The following ANKRD13A variants were observed in gnomAD, a reference collection of about 807,000 sequenced individuals.
ANKRD13A encodes ankyrin repeat domain-containing protein 13A.
A neutral mutation model predicts 81.3 loss-of-function variants in ANKRD13A; 48 were observed. That is an observed-to-expected ratio of 0.59 (90% CI 0.47 to 0.75). The LOEUF (loss-of-function observed/expected upper bound fraction) is 0.75, where lower values mean the gene tolerates loss of function less well. Ranked by LOEUF, ANKRD13A falls within the 30% of genes least tolerant of loss-of-function variation. The pLI is 0.00. For missense variants in ANKRD13A, 612 were observed against 734.0 expected, an observed-to-expected ratio of 0.83 and a Z score of 1.92; for synonymous variants, 230 against 270.1, an observed-to-expected ratio of 0.85 and a Z score of 1.45.
rs994942816 is a variant in ANKRD13A, at chr12:110,027,844, G to A, written c.945+78G>A. On this transcript the variant is annotated intron_variant, in intron 9 of 14. Transcript: ENST00000261739. ...TCTGTGTCTGGGATGGCATTTACTGGATCCTGAACAGCCCACTCTATGTAA... is the reference window on the plus strand; with the variant it reads ...TCTGTGTCTGGGATGGCATTTACTGAATCCTGAACAGCCCACTCTATGTAA... 4 of 1,440,974 alleles carry A rather than the reference G, an allele frequency of 2.8e-6. No individual in the cohort carries two copies. In the South Asian group the frequency reaches 3.4e-5, roughly 12 times the overall value. The allele number at this position is 1,440,974 out of a possible 1,614,324, so 89.3% of individuals were successfully genotyped here. A position where few individuals can be genotyped will look rare whatever the true frequency, so the allele number is the denominator to read the frequency against.
At position 109,999,550 on chromosome 12, in the gene ANKRD13A, C is replaced by G; in HGVS notation, c.-139C>G. Reference sequence around the variant, plus strand: ...GACCTCCCGCGCGCCCCGCACCCGACCGGCTCAGCCGGCCGGCAGCGTAAC... The same window carrying G: ...GACCTCCCGCGCGCCCCGCACCCGAGCGGCTCAGCCGGCCGGCAGCGTAAC... On this transcript the variant is annotated 5_prime_UTR_variant, in exon 1 of 15. Transcript: ENST00000261739. The surrounding 1 kb of genome is among the most constrained non-coding windows in gnomAD (Gnocchi z 4.3). 1.8e-6 allele frequency: 1 copy of G among 570,826 alleles called. No homozygotes were observed. Among genetic ancestry groups the G allele is most frequent in the South Asian group, 6.4e-5 (1 of 15,736 alleles). 35.4% of individuals were successfully genotyped at this position (570,826 alleles called of 1,614,324 possible). A position where few individuals can be genotyped will look rare whatever the true frequency, so the allele number is the denominator to read the frequency against.
At chr12:110,016,559 T>A in intron 4 of ANKRD13A, 126 bp downstream of exon 4, 1 of 841,650 alleles carries the variant, frequency 1.2e-6, no homozygotes, top group South Asian at 2.4e-5. Flanking sequence ...TAGTGAAGAA[T>A]AAGGAAAAAT....
intron 6 of ANKRD13A, among the ~76,000 whole-genome samples, chr12:110,020,573 A>AT (rs1891026773): frequency 6.6e-6 from 1 of 152,218 alleles, no homozygotes; most frequent in Admixed American, 6.5e-5. Context: ...GCCAGTTGAC[A>AT]TTCATGGTCT....
intron 1 of ANKRD13A, among the ~76,000 whole-genome samples, chr12:110,000,480 T>C (rs934892103): frequency 6.6e-6 from 1 of 152,248 alleles, no homozygotes; most frequent in African/African-American, 2.4e-5. Flanking sequence ...AGTGCTTTGA[T>C]GCTTTAATCT....
In ANKRD13A at chr12:110,025,872, C is replaced by T. The variant is rs775174372; in HGVS notation, c.883+49C>T. On this transcript the variant is annotated intron_variant, in intron 8 of 14. Coordinates refer to ENST00000261739, the MANE Select transcript of ANKRD13A (RefSeq NM_033121.2). The stretch of plus-strand genomic sequence containing the variant: ...TCCTGTTTTGTTGTTATTTTTTAAG[C>T]CTAGAGGGAACTCTTTGTTGGCTCT... The T allele has an allele frequency of 4.8e-5, 74 of 1,527,564 alleles. 1 individual carries two copies. In the Middle Eastern group the frequency reaches 1.4e-3, roughly 28 times the overall value. 94.6% of individuals were successfully genotyped at this position (1,527,564 alleles called of 1,614,324 possible).
chr12:110,032,952 A>G (rs1366730018), intron 12 of ANKRD13A: 1 of 152,222 alleles, frequency 6.6e-6, no homozygotes, highest in African/African-American at 2.4e-5. Context: ...GGCAGTGTAA[A>G]CAACTATTCT....
rs987140908 is a variant in ANKRD13A at position 110,011,987 on chromosome 12, C to T, written c.97-18C>T. ...TGTAATACATCCAATTATGTAAATGCCAGTGTTTCCTTCACAGAATGTGGA... is the reference window on the plus strand; with the variant it reads ...TGTAATACATCCAATTATGTAAATGTCAGTGTTTCCTTCACAGAATGTGGA... On this transcript the variant is annotated intron_variant, in intron 1 of 14. Coordinates refer to ENST00000261739, the MANE Select transcript of ANKRD13A (RefSeq NM_033121.2). 5 of 1,579,678 alleles carry T rather than the reference C, an allele frequency of 3.2e-6. No individual in the cohort carries two copies. Among genetic ancestry groups the T allele is most frequent in the Non-Finnish European group, 4.3e-6 (5 of 1,153,156 alleles).
chr12:110,018,000 G>T lies in ANKRD13A; in HGVS notation c.401-345G>T, dbSNP rs1015523122. On this transcript the variant is annotated intron_variant, in intron 4 of 14. Coordinates refer to ENST00000261739, the MANE Select transcript of ANKRD13A (RefSeq NM_033121.2). ...AATGGTGGATATGACAATATGGTAG[G>T]CCACAGCCATATGGCAAGAGTTGCA... Among the ~76,000 whole-genome samples, 10 of 152,252 alleles carry T rather than the reference G, an allele frequency of 6.6e-5. No homozygotes were observed. In the South Asian group the frequency reaches 1.0e-3, roughly 16 times the overall value.
At chr12:110,035,996 C>G (rs760548890) in intron 13 of ANKRD13A, among the ~76,000 whole-genome samples, 7 of 152,240 alleles carry the variant, frequency 4.6e-5, no homozygotes, top group Admixed American at 2.6e-4. Context: ...GTATATCTTC[C>G]ACGTGGGTTA....
chr12:110,025,910 G>A, intron 8 of ANKRD13A, 87 bp downstream of exon 8: 1 of 1,168,524 alleles, frequency 8.6e-7, no homozygotes, highest in Non-Finnish European at 1.2e-6. Context: ...TAAGTTTAGG[G>A]TTAATGTGAT....
chr12:110,001,727 A>G (rs1889987786), intron 1 of ANKRD13A, among the ~76,000 whole-genome samples: 1 of 144,682 alleles, frequency 6.9e-6, no homozygotes, highest in South Asian at 2.2e-4. Flanking sequence ...GCCTTTTTTC[A>G]TTTAAAAAGA....
chr12:110,033,706 T>C lies in ANKRD13A; in HGVS notation c.1349-91T>C, dbSNP rs938861300. The C allele has an allele frequency of 1.1e-5, 14 of 1,252,138 alleles. No individual in the cohort carries two copies. In the Admixed American group the frequency reaches 1.3e-4, roughly 12 times the overall value. The allele number at this position is 1,252,138 out of a possible 1,614,324, so 77.6% of individuals were successfully genotyped here. On this transcript the variant is annotated intron_variant, in intron 12 of 14. Transcript: ENST00000261739. ...GCCTTGATTGTTATAATTTTGAGCCTTTCTTTTTTTTCTAATGTACAACAT... is the reference window on the plus strand; with the variant it reads ...GCCTTGATTGTTATAATTTTGAGCCCTTCTTTTTTTTCTAATGTACAACAT...
chr12:110,024,629 C>T (rs908208205), intron 7 of ANKRD13A, among the ~76,000 whole-genome samples: 10 of 152,350 alleles, frequency 6.6e-5, no homozygotes, highest in African/African-American at 2.4e-4. Context: ...GTTTCCTGGC[C>T]TTTCAGTCCC....
intron 7 of ANKRD13A, 105 bp downstream of exon 7, chr12:110,024,217 C>A: frequency 1.0e-6 from 1 of 998,814 alleles, no homozygotes; most frequent in East Asian, 2.5e-5. Context: ...TGGAGATGCT[C>A]TGGGGAATGA....
chr12:110,002,179 T>C (rs956346453), intron 1 of ANKRD13A, among the ~76,000 whole-genome samples: 1 of 152,244 alleles, frequency 6.6e-6, no homozygotes, highest in Non-Finnish European at 1.5e-5. Flanking sequence ...GACCTGAAAG[T>C]GCAGGCATAT....
chr12:110,018,508 G>C lies in ANKRD13A; in HGVS notation c.544+20G>C, dbSNP rs1449628314. 19 of 1,608,810 alleles carry C rather than the reference G, an allele frequency of 1.2e-5. No individual in the cohort carries two copies. In the Admixed American group the frequency reaches 3.2e-4, roughly 27 times the overall value. ...GAGAAGGTGAGTGACTTCTCTTGTA[G>C]TAATCACTGCTCAAGCAAAATTACA... is the stretch of plus-strand genomic sequence containing the variant. On this transcript the variant is annotated intron_variant, in intron 5 of 14. Coordinates refer to ENST00000261739, the MANE Select transcript of ANKRD13A (RefSeq NM_033121.2). The surrounding 1 kb of genome is among the most constrained non-coding windows in gnomAD (Gnocchi z 4.4).
At chr12:110,016,719 G>A (rs113007415) in intron 4 of ANKRD13A, among the ~76,000 whole-genome samples, 5 of 152,004 alleles carry the variant, frequency 3.3e-5, no homozygotes, top group African/African-American at 9.6e-5. Context: ...ATTTATAGCC[G>A]ACATCTATAT....
intron 11 of ANKRD13A, among the ~76,000 whole-genome samples, 164 bp from the exon 12 acceptor site, chr12:110,030,481 C>T (rs983408996): frequency 1.3e-5 from 2 of 152,058 alleles, no homozygotes; most frequent in South Asian, 2.1e-4. Flanking sequence ...ATACACAACT[C>T]TCAATCTCAG....
intron 12 of ANKRD13A, among the ~76,000 whole-genome samples, chr12:110,033,393 G>T (rs1279698301): frequency 6.6e-6 from 1 of 151,994 alleles, no homozygotes; most frequent in Non-Finnish European, 1.5e-5. Context: ...CTTAGGCTAG[G>T]TGAAGGGCAC....
Sources: allele counts gnomAD v4.1 joint callset (sites outside exome capture counted in the v4.1 genomes callset), GRCh38; gene constraint gnomAD v4.1.1; non-coding constraint Gnocchi (gnomAD v3.1); transcripts MANE v1.5; gene names NCBI Gene and HGNC (gene_info 2026-07-23, HGNC 2026-07-21).